ATP9B: variants seen among roughly 807,000 people sequenced by gnomAD.
ATP9B encodes the protein ATPase phospholipid transporting 9B.
In ATP9B, 110 loss-of-function variants were observed where a neutral mutation model predicts 146.1. The ratio of observed to expected loss-of-function variants is 0.75; its 90% CI spans 0.65 to 0.88. The LOEUF (loss-of-function observed/expected upper bound fraction) is 0.88. ATP9B is among the 40% of genes least tolerant of loss of function. The pLI is 0.00. For synonymous variants in ATP9B, 604 were observed against 569.7 expected, an observed-to-expected ratio of 1.06 and a Z score of -0.86; for missense variants, 1,499 against 1,496.4, an observed-to-expected ratio of 1.00 and a Z score of -0.03.
chr18:79,111,986 A>G (rs2146998048), intron 3 of ATP9B, among the ~76,000 whole-genome samples: 1 of 152,368 alleles, frequency 6.6e-6, no homozygotes, highest in East Asian at 1.9e-4. Context: ...CACTAAGGAA[A>G]AAGCACTTTA....
intron 17 of ATP9B, among the ~76,000 whole-genome samples, chr18:79,330,516 G>A (rs926782950): frequency 8.6e-5 from 13 of 151,640 alleles, no homozygotes; most frequent in African/African-American, 2.9e-4. Context: ...AGGTTCAAGC[G>A]ATTCTCCTGC....
Position 79,338,830 on chromosome 18 carries a change from A to G in ATP9B, c.2283+1381A>G, listed in dbSNP as rs1276228244. Among the ~76,000 whole-genome samples the G allele has an allele frequency of 4.6e-5, 7 of 152,366 alleles. No individual in the cohort carries two copies. The East Asian group carries it at 1.3e-3, about 29-fold the overall frequency. On this transcript the variant is annotated intron_variant, in intron 19 of 29. Coordinates refer to ENST00000426216, the MANE Select transcript of ATP9B (RefSeq NM_198531.5). ...TCAAGGACCTGGGACTCAGAATGGG[A>G]AAAAGTGTAACTTGGTTTTCAGAGA...
chr18:79,290,527 C>T (rs1008332378), intron 13 of ATP9B, among the ~76,000 whole-genome samples: 5 of 152,214 alleles, frequency 3.3e-5, no homozygotes, highest in Admixed American at 3.3e-4. Flanking sequence ...TCACCCCTTT[C>T]TTTGACTAGG....
At chr18:79,222,105 A>G (rs971798393) in intron 11 of ATP9B, among the ~76,000 whole-genome samples, 1 of 152,024 alleles carries the variant, frequency 6.6e-6, no homozygotes, top group Non-Finnish European at 1.5e-5. Context: ...CCAAAAAATA[A>G]TTTATATTTA....
rs953520670 is a variant in ATP9B at position 79,227,003 on chromosome 18, C to T, written c.1107+12965C>T. ...CACTGACTGAACACCTGCTGTGTGT[C>T]GGGCACCATATACTAGGCACTTCTT... On this transcript the variant is annotated intron_variant, in intron 11 of 29. Transcript: ENST00000426216. Among the ~76,000 whole-genome samples, 51 of 151,936 alleles carry T rather than the reference C, an allele frequency of 3.4e-4. 1 individual carries two copies. The highest frequency in any genetic ancestry group is 1.2e-3 in the African/African-American group (48 of 41,346).
chr18:79,275,411 C>T (rs1018952218), intron 12 of ATP9B, among the ~76,000 whole-genome samples: 8 of 152,240 alleles, frequency 5.3e-5, no homozygotes, highest in Non-Finnish European at 1.0e-4. Context: ...GTTTTCTTTT[C>T]CTTCTTCAAA....
rs554929779 is a variant in ATP9B at position 79,170,915 on chromosome 18, T to C, written c.779-5898T>C. 9.2e-5 allele frequency among the ~76,000 whole-genome samples: 14 copies of C among 152,364 alleles called. No individual in the cohort carries two copies. The South Asian group carries it at 2.9e-3, about 32-fold the overall frequency. On this transcript the variant is annotated intron_variant, in intron 7 of 29. Coordinates refer to ENST00000426216, the MANE Select transcript of ATP9B (RefSeq NM_198531.5). ...ATTGCCTGAATCTTGCTTTCAAAACTTGGAGGAAAAACCATTTTCTTCCCT... is the reference window on the plus strand; with the variant it reads ...ATTGCCTGAATCTTGCTTTCAAAACCTGGAGGAAAAACCATTTTCTTCCCT...
intron 4 of ATP9B, among the ~76,000 whole-genome samples, chr18:79,122,318 T>C (rs972706663): frequency 3.3e-5 from 5 of 152,160 alleles, no homozygotes; most frequent in African/African-American, 9.7e-5. Context: ...GTAAGTCTTC[T>C]CTTACGTGGG....
chr18:79,334,786 C>G (rs1366463506), intron 17 of ATP9B, among the ~76,000 whole-genome samples: 1 of 151,722 alleles, frequency 6.6e-6, no homozygotes, highest in Non-Finnish European at 1.5e-5. Flanking sequence ...GACGCCCACC[C>G]CCCCCTTGTG....
Position 79,206,906 on chromosome 18 carries a change from G to A in ATP9B, c.955-31G>A, listed in dbSNP as rs763657382. ...TGTGAATAATGAACAATCATTTGAC[G>A]GTTTTGTTTTCTTTTTGTCTCCCTG... On this transcript the variant is annotated intron_variant, in intron 9 of 29. Transcript: ENST00000426216. 2.1e-5 allele frequency: 34 copies of A among 1,598,054 alleles called. No homozygotes were observed. The Admixed American group carries it at 2.2e-4, about 10-fold the overall frequency.
At chr18:79,187,076 A>T (rs1211993741) in intron 8 of ATP9B, among the ~76,000 whole-genome samples, 3 of 152,174 alleles carry the variant, frequency 2.0e-5, no homozygotes, top group Admixed American at 2.0e-4. Flanking sequence ...TCCTTGCCAT[A>T]GTGCTTTCCT....
At chr18:79,323,636 GTCTCAT>G (rs2096728286) in intron 15 of ATP9B, among the ~76,000 whole-genome samples, 1 of 152,136 alleles carries the variant, frequency 6.6e-6, no homozygotes. Flanking sequence ...AGATGAAAGG[GTCTCAT>G]TCTTTAGTGA....
At chr18:79,155,342 T>C (rs1315357738) in intron 7 of ATP9B, among the ~76,000 whole-genome samples, 1 of 152,182 alleles carries the variant, frequency 6.6e-6, no homozygotes, top group Non-Finnish European at 1.5e-5. Context: ...CTTTCAAAAA[T>C]ACTAAGATGG....
intron 11 of ATP9B, among the ~76,000 whole-genome samples, chr18:79,235,240 A>G (rs1030821156): frequency 2.0e-5 from 3 of 152,154 alleles, no homozygotes; most frequent in South Asian, 2.1e-4. Context: ...TTTATTTTGT[A>G]GCTTATAAGA....
chr18:79,216,692 C>T (rs2095630014), intron 11 of ATP9B, among the ~76,000 whole-genome samples: 1 of 152,196 alleles, frequency 6.6e-6, no homozygotes, highest in African/African-American at 2.4e-5. Context: ...TTCTCTCCCT[C>T]TTCTTTTCTT....
intron 19 of ATP9B, among the ~76,000 whole-genome samples, chr18:79,340,621 G>C (rs2096853094): frequency 6.6e-6 from 1 of 152,008 alleles, no homozygotes; most frequent in Non-Finnish European, 1.5e-5. Context: ...GAGAAATTCA[G>C]CTAATGAGAA....
chr18:79,138,747 T>C (rs1342178582), intron 5 of ATP9B, among the ~76,000 whole-genome samples: 2 of 151,910 alleles, frequency 1.3e-5, no homozygotes, highest in African/African-American at 4.8e-5. Flanking sequence ...TATTAGAACC[T>C]TCTGTTCATT....
At chr18:79,249,542 G>A (rs528824550) in intron 11 of ATP9B, among the ~76,000 whole-genome samples, 1 of 152,224 alleles carries the variant, frequency 6.6e-6, no homozygotes, top group South Asian at 2.1e-4. Flanking sequence ...TATTTTATGG[G>A]TGAAAAGTTT....
At chr18:79,206,258 A>C (rs746896563) in intron 9 of ATP9B, among the ~76,000 whole-genome samples, 8 of 152,142 alleles carry the variant, frequency 5.3e-5, no homozygotes, top group Admixed American at 2.0e-4. Context: ...CATACTTCTA[A>C]AGAGGAATTT....
Sources: allele counts gnomAD v4.1 joint callset (sites outside exome capture counted in the v4.1 genomes callset), GRCh38; gene constraint gnomAD v4.1.1; transcripts MANE v1.5; gene names NCBI Gene and HGNC (gene_info 2026-07-23, HGNC 2026-07-21).